Variants in LSAMP observed in about 807,000 individuals in gnomAD.
LSAMP encodes limbic system associated membrane protein.
Under a neutral mutation model 38.6 loss-of-function variants are expected in LSAMP, and 7 were observed. The observed-to-expected ratio is 0.18, with a 90% CI of 0.10 to 0.34. LSAMP has a LOEUF of 0.34. LSAMP is among the 10% of genes least tolerant of loss of function. The pLI is 1.00. For missense variants in LSAMP, 313 were observed against 420.0 expected, an observed-to-expected ratio of 0.75 and a Z score of 2.23; for synonymous variants, 154 against 166.8, an observed-to-expected ratio of 0.92 and a Z score of 0.59.
intron 2 of LSAMP, among the ~76,000 whole-genome samples, chr3:116,052,846 G>T (rs545518549): frequency 6.6e-6 from 1 of 152,300 alleles, no homozygotes; most frequent in East Asian, 1.9e-4. Flanking sequence ...GATTGTACAT[G>T]CTCCCTGGAC....
chr3:116,034,025 T>C (rs1940991954), intron 2 of LSAMP, among the ~76,000 whole-genome samples: 1 of 152,082 alleles, frequency 6.6e-6, no homozygotes, highest in South Asian at 2.1e-4. Flanking sequence ...ATAGAAACTC[T>C]AAGGAAATTG....
chr3:116,121,777 A>G (rs962067946), intron 1 of LSAMP, among the ~76,000 whole-genome samples: 2 of 152,304 alleles, frequency 1.3e-5, no homozygotes, highest in African/African-American at 4.8e-5. Context: ...CTCTAGAGCA[A>G]GCTTGTCCAA....
chr3:116,197,130 G>GACACACGCACAC (rs1553712529), intron 1 of LSAMP, among the ~76,000 whole-genome samples: 3 of 136,820 alleles, frequency 2.2e-5, no homozygotes, highest in Non-Finnish European at 4.7e-5. Context: ...ATCCCACTCG[G>GACACACGCACAC]ACACACACAC....
At chr3:116,032,608 C>A (rs895043370) in intron 2 of LSAMP, among the ~76,000 whole-genome samples, 14 of 151,972 alleles carry the variant, frequency 9.2e-5, no homozygotes, top group African/African-American at 3.4e-4. Flanking sequence ...CAAGCCTGGG[C>A]AACATGGCAA....
At chr3:115,947,826 T>C (rs1269423142) in intron 3 of LSAMP, among the ~76,000 whole-genome samples, 1 of 152,180 alleles carries the variant, frequency 6.6e-6, no homozygotes, top group East Asian at 1.9e-4. Flanking sequence ...ATGGGTAACA[T>C]ATTATTGACT....
intron 6 of LSAMP, among the ~76,000 whole-genome samples, chr3:115,821,092 C>T (rs1160577016): frequency 6.6e-6 from 1 of 152,186 alleles, no homozygotes; most frequent in African/African-American, 2.4e-5. Flanking sequence ...TCTTATCTCT[C>T]ACTACGTGAT....
intron 3 of LSAMP, among the ~76,000 whole-genome samples, chr3:115,885,680 G>T (rs2107444171): frequency 6.8e-6 from 1 of 147,396 alleles, no homozygotes; most frequent in Admixed American, 6.7e-5. Context: ...CAAGATAGAT[G>T]CTTCTTATCA....
intron 2 of LSAMP, among the ~76,000 whole-genome samples, chr3:116,074,028 C>T (rs1707673967): frequency 6.6e-6 from 1 of 152,150 alleles, no homozygotes; most frequent in Non-Finnish European, 1.5e-5. Flanking sequence ...TGGATCCAGG[C>T]CTTACTGAAA....
chr3:116,354,799 TTAAAAC>T (rs2048196747), intron 1 of LSAMP, among the ~76,000 whole-genome samples: 2 of 151,840 alleles, frequency 1.3e-5, no homozygotes, highest in Non-Finnish European at 1.5e-5. Context: ...ATCAAAGACT[TTAAAAC>T]TACATAAAAA....
chr3:116,339,975 A>C (rs2116307), intron 1 of LSAMP, among the ~76,000 whole-genome samples: 17,492 of 152,098 alleles, frequency 0.12, 1,392 homozygotes, highest in African/African-American at 0.23. Context: ...CCTGACCCAG[A>C]GTCTAGAGTA....
At chr3:116,067,209 T>G (rs1013955766) in intron 2 of LSAMP, among the ~76,000 whole-genome samples, 3 of 152,156 alleles carry the variant, frequency 2.0e-5, no homozygotes, top group African/African-American at 7.2e-5. Context: ...TCTGAGCTTG[T>G]ACCCTCCTAG....
chr3:116,159,654 G>A (rs1709835482), intron 1 of LSAMP, among the ~76,000 whole-genome samples: 1 of 152,154 alleles, frequency 6.6e-6, no homozygotes, highest in South Asian at 2.1e-4. Flanking sequence ...GCTGGTGGGA[G>A]TATAAATTAA....
chr3:115,822,362 CTTTT>C (rs57335228), intron 6 of LSAMP, among the ~76,000 whole-genome samples: 11 of 120,840 alleles, frequency 9.1e-5, no homozygotes, highest in Non-Finnish European at 1.1e-4. Context: ...TTCTTTCCTT[CTTTT>C]TTTTTTTTTT....
chr3:116,324,053 A>G (rs2047739752), intron 1 of LSAMP, among the ~76,000 whole-genome samples: 1 of 152,198 alleles, frequency 6.6e-6, no homozygotes, highest in African/African-American at 2.4e-5. Context: ...TGTTAAGACC[A>G]GGAGAACCTG....
chr3:116,130,381 A>AT (rs1462453783), intron 1 of LSAMP, among the ~76,000 whole-genome samples: 109 of 152,368 alleles, frequency 7.2e-4, no homozygotes, highest in African/African-American at 2.5e-3. Flanking sequence ...TCTCAACGGT[A>AT]TAGGTACAAA....
intron 3 of LSAMP, among the ~76,000 whole-genome samples, chr3:115,868,517 G>A (rs1935925082): frequency 6.6e-6 from 1 of 152,090 alleles, no homozygotes; most frequent in Non-Finnish European, 1.5e-5. Context: ...CACATTTAGA[G>A]CCAGTTAGAG....
At chr3:116,430,611 T>G (rs1448191482) in intron 1 of LSAMP, among the ~76,000 whole-genome samples, 1 of 152,150 alleles carries the variant, frequency 6.6e-6, no homozygotes, top group South Asian at 2.1e-4. Flanking sequence ...TCCAAAGATA[T>G]GCCTAAATAT....
At chr3:116,104,946 G>A (rs1708429178) in intron 1 of LSAMP, among the ~76,000 whole-genome samples, 1 of 152,148 alleles carries the variant, frequency 6.6e-6, no homozygotes, top group African/African-American at 2.4e-5. Context: ...TACAGCCATG[G>A]CAGGAGCACA....
intron 1 of LSAMP, among the ~76,000 whole-genome samples, chr3:116,397,123 A>G (rs1330527995): frequency 6.6e-6 from 1 of 152,128 alleles, no homozygotes; most frequent in Non-Finnish European, 1.5e-5. Context: ...ATGGCTTCCC[A>G]TTTCAGAGTA....
Sources: gnomAD v4.1 joint callset for allele counts (sites outside exome capture counted in the v4.1 genomes callset) on GRCh38, gnomAD v4.1.1 for gene constraint, MANE v1.5 for transcripts, NCBI Gene and HGNC (gene_info 2026-07-23, HGNC 2026-07-21) for gene names.